The following TLE4 variants were observed in gnomAD, a reference collection of about 807,000 sequenced individuals.
The protein encoded by TLE4 is transducin-like enhancer protein 4.
Under a neutral mutation model 92.8 loss-of-function variants are expected in TLE4, and 8 were observed. That is an observed-to-expected ratio of 0.09 (90% CI 0.05 to 0.16). TLE4 has a LOEUF of 0.16. Among genes scored for constraint, TLE4 ranks in the 10% least tolerant of loss-of-function variants. The pLI, the probability that TLE4 is intolerant of heterozygous loss-of-function variation, is 1.00. For missense variants in TLE4, 675 were observed against 997.6 expected, an observed-to-expected ratio of 0.68 and a Z score of 4.36; for synonymous variants, 371 against 374.1, an observed-to-expected ratio of 0.99 and a Z score of 0.10.
At chr9:79,703,285 G>T (rs1013739025) in intron 8 of TLE4, among the ~76,000 whole-genome samples, 1 of 152,032 alleles carries the variant, frequency 6.6e-6, no homozygotes, top group Non-Finnish European at 1.5e-5. Flanking sequence ...TCACACTTGG[G>T]AGCCCTGCCC....
intron 5 of TLE4, among the ~76,000 whole-genome samples, chr9:79,618,377 A>G (rs765707504): frequency 1.8e-4 from 27 of 152,172 alleles, no homozygotes; most frequent in Non-Finnish European, 3.5e-4. Context: ...CGAATGTTGG[A>G]GAAGAGTCAC....
At chr9:79,613,775 T>G (rs2048893729) in intron 5 of TLE4, among the ~76,000 whole-genome samples, 1 of 152,166 alleles carries the variant, frequency 6.6e-6, no homozygotes. Context: ...ATGTGTATTA[T>G]AGATATGCAG....
intron 10 of TLE4, among the ~76,000 whole-genome samples, chr9:79,706,176 C>T (rs907353995): frequency 1.3e-5 from 2 of 152,062 alleles, no homozygotes. Context: ...TCCCGAGTAG[C>T]TGGAACTACA....
intron 8 of TLE4, among the ~76,000 whole-genome samples, chr9:79,658,423 T>G (rs746069945): frequency 1.3e-5 from 2 of 152,224 alleles, no homozygotes; most frequent in East Asian, 3.8e-4. Flanking sequence ...TAATGATTCA[T>G]TCATTATTTG....
At chr9:79,641,946 G>T (rs1186783510) in intron 6 of TLE4, among the ~76,000 whole-genome samples, 3 of 151,354 alleles carry the variant, frequency 2.0e-5, no homozygotes, top group South Asian at 2.1e-4. Flanking sequence ...GGGCATAGTG[G>T]ACTTTTTTTT....
chr9:79,722,772 A>C (rs1164328394), intron 18 of TLE4, among the ~76,000 whole-genome samples, 171 bp downstream of exon 18: 1 of 152,228 alleles, frequency 6.6e-6, no homozygotes, highest in Non-Finnish European at 1.5e-5. Flanking sequence ...TTCTGGCATT[A>C]ATCCACTTTA....
intron 6 of TLE4, among the ~76,000 whole-genome samples, chr9:79,633,499 A>G (rs1471263358): frequency 6.6e-6 from 1 of 152,166 alleles, no homozygotes; most frequent in Non-Finnish European, 1.5e-5. Context: ...GTGTCTGGGT[A>G]GATGTATCTG....
At chr9:79,693,448 C>T (rs181190934) in intron 8 of TLE4, among the ~76,000 whole-genome samples, 1 of 152,118 alleles carries the variant, frequency 6.6e-6, no homozygotes, top group Non-Finnish European at 1.5e-5. Flanking sequence ...TTTGTTTAAT[C>T]CCATGCTCCT....
At chr9:79,671,108 T>C (rs1430048477) in intron 8 of TLE4, 1 of 309,410 alleles carries the variant, frequency 3.2e-6, no homozygotes. Context: ...GGTTGAGAAT[T>C]AACTTTAGCT....
intron 4 of TLE4, among the ~76,000 whole-genome samples, chr9:79,577,200 A>C (rs928417228): frequency 2.0e-5 from 3 of 152,110 alleles, no homozygotes; most frequent in African/African-American, 7.2e-5. Flanking sequence ...GAAAATATGA[A>C]ATGAGCACAT....
intron 4 of TLE4, among the ~76,000 whole-genome samples, chr9:79,583,891 A>G (rs2040367192): frequency 6.6e-6 from 1 of 152,084 alleles, no homozygotes; most frequent in African/African-American, 2.4e-5. Flanking sequence ...GGATCCATGT[A>G]TTTATTTAAA....
intron 8 of TLE4, among the ~76,000 whole-genome samples, chr9:79,700,962 G>A (rs923339856): frequency 6.6e-6 from 1 of 151,984 alleles, no homozygotes; most frequent in East Asian, 1.9e-4. Context: ...TTCTTATGTA[G>A]TAAACTTGAG....
At chr9:79,622,377 A>G (rs548121019) in intron 5 of TLE4, among the ~76,000 whole-genome samples, 2 of 152,146 alleles carry the variant, frequency 1.3e-5, no homozygotes, top group South Asian at 2.1e-4. Context: ...TGCTCTTCCT[A>G]TAAGGCCCCT....
intron 4 of TLE4, among the ~76,000 whole-genome samples, chr9:79,605,641 C>CCAGAAA (rs879847872): frequency 7.9e-5 from 12 of 151,952 alleles, no homozygotes; most frequent in Non-Finnish European, 1.6e-4. Flanking sequence ...TGGGGATAGA[C>CCAGAAA]TGGAATAGTA....
intron 7 of TLE4, among the ~76,000 whole-genome samples, chr9:79,653,823 T>C (rs2059380487): frequency 6.6e-6 from 1 of 152,186 alleles, no homozygotes; most frequent in South Asian, 2.1e-4. Flanking sequence ...GCACAGATAA[T>C]AAGAATGTCC....
At chr9:79,626,784 T>A (rs1379585254) in intron 5 of TLE4, among the ~76,000 whole-genome samples, 1 of 152,162 alleles carries the variant, frequency 6.6e-6, no homozygotes, top group Non-Finnish European at 1.5e-5. Flanking sequence ...TTAAAAGAAA[T>A]ACCTGAAGTT....
chr9:79,715,952 A>T (rs1177962432), intron 14 of TLE4, among the ~76,000 whole-genome samples: 1 of 151,986 alleles, frequency 6.6e-6, no homozygotes, highest in African/African-American at 2.4e-5. Flanking sequence ...TCTATTTCCA[A>T]CTTACCACTA....
chr9:79,595,088 C>T (rs2043618184), intron 4 of TLE4, among the ~76,000 whole-genome samples: 2 of 152,156 alleles, frequency 1.3e-5, no homozygotes, highest in South Asian at 4.1e-4. Flanking sequence ...ATATTCTAAG[C>T]CTTCACCCAC....
intron 8 of TLE4, among the ~76,000 whole-genome samples, chr9:79,680,886 A>T (rs1019082865): frequency 1.3e-5 from 2 of 152,084 alleles, no homozygotes; most frequent in Non-Finnish European, 2.9e-5. Flanking sequence ...TGAGATAATC[A>T]TGTGGTTTTT....
Sources: gnomAD v4.1 joint callset for allele counts (sites outside exome capture counted in the v4.1 genomes callset) on GRCh38, gnomAD v4.1.1 for gene constraint, MANE v1.5 for transcripts, NCBI Gene and HGNC (gene_info 2026-07-23, HGNC 2026-07-21) for gene names.